The following TFCP2 variants were observed in gnomAD, a reference collection of about 807,000 sequenced individuals.
The protein encoded by TFCP2 is alpha-globin transcription factor CP2.
Under a neutral mutation model 73.4 loss-of-function variants are expected in TFCP2, and 33 were observed. That is an observed-to-expected ratio of 0.45 (90% CI 0.34 to 0.60). The LOEUF is 0.60. Among genes scored for constraint, TFCP2 ranks in the 20% least tolerant of loss-of-function variants. The pLI, the probability that TFCP2 is intolerant of heterozygous loss-of-function variation, is 0.01. For synonymous variants in TFCP2, 193 were observed against 211.6 expected (o/e 0.91, Z 0.76); for missense variants, 352 against 604.0 (o/e 0.58, Z 4.37).
At chr12:51,105,843 C>T (rs1211466169) in intron 8 of TFCP2, among the ~76,000 whole-genome samples, 1 of 152,144 alleles carries the variant, frequency 6.6e-6, no homozygotes, top group African/African-American at 2.4e-5. Context: ...ACAATATACT[C>T]GCACATTTGG....
intron 1 of TFCP2, among the ~76,000 whole-genome samples, chr12:51,120,569 T>C (rs17125401): frequency 0.15 from 22,264 of 151,962 alleles, 2,069 homozygotes; most frequent in East Asian, 0.5. Context: ...TTGCATCTCA[T>C]TGTATATGAA....
At chr12:51,141,575 C>A (rs911616077) in intron 1 of TFCP2, among the ~76,000 whole-genome samples, 25 of 151,798 alleles carry the variant, frequency 1.6e-4, no homozygotes, top group African/African-American at 5.8e-4. Context: ...TTTTAAATAA[C>A]TAAAATAATA....
At chr12:51,162,000 C>T (rs1046537623) in intron 1 of TFCP2, among the ~76,000 whole-genome samples, 1 of 151,246 alleles carries the variant, frequency 6.6e-6, no homozygotes, top group African/African-American at 2.4e-5. Flanking sequence ...AATCAAATAG[C>T]AATTCTGGAC....
At chr12:51,121,446 G>A (rs988542544) in intron 1 of TFCP2, among the ~76,000 whole-genome samples, 3 of 144,524 alleles carry the variant, frequency 2.1e-5, no homozygotes, top group African/African-American at 5.0e-5. Flanking sequence ...TCCCCCAAAA[G>A]ATCAGAAGTC....
At chr12:51,162,555 T>C (rs1447816615) in intron 1 of TFCP2, among the ~76,000 whole-genome samples, 2 of 152,216 alleles carry the variant, frequency 1.3e-5, no homozygotes, top group Admixed American at 6.5e-5. Flanking sequence ...TTACCTCATA[T>C]GCTTCTCTTT....
At chr12:51,140,329 C>T (rs1941158373) in intron 1 of TFCP2, among the ~76,000 whole-genome samples, 6 of 151,798 alleles carry the variant, frequency 4.0e-5, no homozygotes, top group Admixed American at 2.6e-4. Context: ...CTTTGGGAGG[C>T]TGAGGCGGAG....
chr12:51,130,789 C>A (rs558220867), intron 1 of TFCP2, among the ~76,000 whole-genome samples: 1 of 152,098 alleles, frequency 6.6e-6, no homozygotes, highest in African/African-American at 2.4e-5. Flanking sequence ...GAGTTTAAGA[C>A]CAGCCTGGCC....
chr12:51,134,937 T>C (rs1175016765), intron 1 of TFCP2, among the ~76,000 whole-genome samples: 2 of 151,310 alleles, frequency 1.3e-5, no homozygotes, highest in African/African-American at 2.4e-5. Flanking sequence ...AGTGGGACCT[T>C]GTCTCTAAAA....
chr12:51,108,811 T>C (rs374871940), intron 6 of TFCP2, among the ~76,000 whole-genome samples: 1 of 152,140 alleles, frequency 6.6e-6, no homozygotes, highest in South Asian at 2.1e-4. Context: ...AGATCAAGTA[T>C]GAAAATAACC....
intron 4 of TFCP2, among the ~76,000 whole-genome samples, chr12:51,112,866 CAA>C (rs11362530): frequency 9.9e-5 from 11 of 111,554 alleles, no homozygotes; most frequent in South Asian, 3.2e-4. Flanking sequence ...GACTCTGTCT[CAA>C]AAAAAAAAAA....
intron 1 of TFCP2, among the ~76,000 whole-genome samples, chr12:51,121,763 G>A (rs1940681560): frequency 6.6e-6 from 1 of 152,000 alleles, no homozygotes; most frequent in African/African-American, 2.4e-5. Flanking sequence ...ACCACACCCA[G>A]CCCAATGATT....
chr12:51,157,440 C>T (rs148858908), intron 1 of TFCP2, among the ~76,000 whole-genome samples: 111 of 150,908 alleles, frequency 7.4e-4, no homozygotes, highest in African/African-American at 2.5e-3. Context: ...CTCAGCCTTC[C>T]GAGTAGCTAG....
chr12:51,136,923 C>T (rs375829516), intron 1 of TFCP2, among the ~76,000 whole-genome samples: 9 of 152,034 alleles, frequency 5.9e-5, no homozygotes, highest in South Asian at 2.1e-4. Context: ...TCAGCCCGGA[C>T]GACAGAGGAG....
At chr12:51,102,731 AAT>A (rs1055572216) in intron 10 of TFCP2, among the ~76,000 whole-genome samples, 3 of 152,110 alleles carry the variant, frequency 2.0e-5, no homozygotes, top group African/African-American at 4.8e-5. Context: ...TCAAAAAATA[AAT>A]ATATAAATAA....
Position 51,109,163 on chromosome 12 carries a change from A to G in TFCP2, c.675T>C (p.Thr225=). 1 of 1,614,230 alleles carries G rather than the reference A, an allele frequency of 6.2e-7. No individual in the cohort carries two copies. Among genetic ancestry groups the G allele is most frequent in the East Asian group, 2.2e-5 (1 of 44,882 alleles). Residue 225 remains threonine (T), a synonymous_variant, in exon 6 of 15, where the codon ACT becomes ACC. Coordinates refer to ENST00000257915, the MANE Select transcript of TFCP2 (RefSeq NM_005653.5). Reference sequence around the variant, plus strand: ...GGCAGCTGGCCGAGTGTAAGTGCTCAGTATATTCCCCGTTTTCATTCTCCT... The same window carrying G: ...GGCAGCTGGCCGAGTGTAAGTGCTCGGTATATTCCCCGTTTTCATTCTCCT... The part of the protein sequence containing the change: ...TFKENENGEY[T]EHLHSASCQI...
chr12:51,114,221 A>T lies in TFCP2; in HGVS notation c.457+2094T>A, dbSNP rs558507871. 3.9e-5 allele frequency among the ~76,000 whole-genome samples: 6 copies of T among 152,328 alleles called. No homozygotes were observed. In the East Asian group the frequency reaches 1.2e-3, roughly 29 times the overall value. On this transcript the variant is annotated intron_variant, in intron 4 of 14. Coordinates refer to ENST00000257915, the MANE Select transcript of TFCP2 (RefSeq NM_005653.5). ...ATGGGGTTAATATCCAGAATATTTT[A>T]AAAATTCTTTCAACTCAATAACAAA...
chr12:51,095,433 A>T (rs1348566176), intron 14 of TFCP2, among the ~76,000 whole-genome samples, 155 bp from the exon 15 acceptor site: 2 of 152,104 alleles, frequency 1.3e-5, no homozygotes, highest in Non-Finnish European at 2.9e-5. Flanking sequence ...AGCTTGGGCA[A>T]CAAGAGCGAA....
rs143953210 is a variant in TFCP2 at position 51,105,044 on chromosome 12, T to C, written c.918-841A>G. 5.9e-3 allele frequency among the ~76,000 whole-genome samples: 895 copies of C among 150,842 alleles called. 5 individuals carry two copies. The highest frequency in any genetic ancestry group is 0.019 in the African/African-American group (784 of 41,098). ...TTATTTTTAAAGTAGCCCCAAAAAT[T>C]AGTGCTGCCTAATTTATGATCCAAG... is the stretch of plus-strand genomic sequence containing the variant. On this transcript the variant is annotated intron_variant, in intron 8 of 14. Transcript: ENST00000257915.
intron 11 of TFCP2, among the ~76,000 whole-genome samples, chr12:51,100,012 G>A (rs1178657641): frequency 6.6e-6 from 1 of 151,766 alleles, no homozygotes; most frequent in African/African-American, 2.4e-5. Context: ...CTGAACTTTT[G>A]GCTTTTCCTG....
Sources: allele counts gnomAD v4.1 joint callset (sites outside exome capture counted in the v4.1 genomes callset), GRCh38; gene constraint gnomAD v4.1.1; transcripts MANE v1.5; gene names NCBI Gene and HGNC (gene_info 2026-07-23, HGNC 2026-07-21).